The following SLC25A21 variants were observed in gnomAD, a reference collection of about 807,000 sequenced individuals.
SLC25A21 encodes mitochondrial 2-oxodicarboxylate carrier.
Under a neutral mutation model 43.8 loss-of-function variants are expected in SLC25A21, and 47 were observed. That is an observed-to-expected ratio of 1.07 (90% CI 0.85 to 1.37). The LOEUF is 1.37. Ranked by LOEUF, SLC25A21 falls within the 40% of genes most tolerant of loss-of-function variation. SLC25A21 has a pLI of 0.00. For synonymous variants in SLC25A21, 131 were observed against 121.3 expected, an observed-to-expected ratio of 1.08 and a Z score of -0.52; for missense variants, 352 against 350.2, an observed-to-expected ratio of 1.00 and a Z score of -0.04.
intron 2 of SLC25A21, among the ~76,000 whole-genome samples, chr14:36,842,158 A>G (rs114902245): frequency 2.5e-4 from 38 of 152,334 alleles, no homozygotes; most frequent in African/African-American, 8.9e-4. Flanking sequence ...TAGACATCTG[A>G]TTCAATGATA....
chr14:37,167,133 G>A (rs2138957486), intron 1 of SLC25A21, among the ~76,000 whole-genome samples: 1 of 152,292 alleles, frequency 6.6e-6, no homozygotes, highest in Non-Finnish European at 1.5e-5. Context: ...GGAGAGGGTT[G>A]AAAAATAAGA....
chr14:36,999,981 T>G (rs184930375), intron 1 of SLC25A21, among the ~76,000 whole-genome samples: 1 of 152,200 alleles, frequency 6.6e-6, no homozygotes, highest in African/African-American at 2.4e-5. Flanking sequence ...CTGACACACA[T>G]AGCAGATACA....
intron 1 of SLC25A21, among the ~76,000 whole-genome samples, chr14:37,170,353 C>T (rs1964102401): frequency 6.6e-6 from 1 of 152,124 alleles, no homozygotes; most frequent in Non-Finnish European, 1.5e-5. Context: ...CTACTTTTAA[C>T]ATTCTTTGAG....
At chr14:37,056,447 C>T (rs1358059285) in intron 1 of SLC25A21, among the ~76,000 whole-genome samples, 4 of 150,028 alleles carry the variant, frequency 2.7e-5, no homozygotes, top group Non-Finnish European at 5.9e-5. Flanking sequence ...GCCGAGATCG[C>T]GCCACTGCAC....
chr14:36,976,739 C>T (rs1024441807), intron 1 of SLC25A21, among the ~76,000 whole-genome samples: 33 of 152,174 alleles, frequency 2.2e-4, no homozygotes, highest in African/African-American at 7.7e-4. Context: ...GAAGCTTGAC[C>T]TCGGAAGGAA....
chr14:37,025,421 G>T (rs1401111306), intron 1 of SLC25A21, among the ~76,000 whole-genome samples: 2 of 152,122 alleles, frequency 1.3e-5, no homozygotes, highest in African/African-American at 4.8e-5. Context: ...TGATGGTCAT[G>T]ACAGAAGCAA....
Position 36,678,421 on chromosome 14 carries a change from A to G in SLC25A21, c.*2237T>C. 2.3e-6 allele frequency: 3 copies of G among 1,313,992 alleles called. No homozygotes were observed. The highest frequency in any genetic ancestry group is 1.5e-5 in the African/African-American group (1 of 68,582). 81.4% of individuals were successfully genotyped at this position (1,313,992 alleles called of 1,614,324 possible). ...AAGAATAAGCAGAAGGAGCAGATGA[A>G]CTCTCAGGGCCATAGTCTTCCTTTG... On this transcript the variant is annotated 3_prime_UTR_variant, in exon 10 of 10. Coordinates refer to ENST00000331299, the MANE Select transcript of SLC25A21 (RefSeq NM_030631.4).
intron 6 of SLC25A21, 65 bp from the exon 7 acceptor site, chr14:36,711,547 G>A (rs917096200): frequency 9.9e-5 from 149 of 1,504,642 alleles, no homozygotes; most frequent in African/African-American, 7.3e-4. Context: ...GTAAATTACC[G>A]TATTAACTTC....
At chr14:37,164,521 T>C (rs1004552148) in intron 1 of SLC25A21, among the ~76,000 whole-genome samples, 4 of 152,158 alleles carry the variant, frequency 2.6e-5, no homozygotes, top group Admixed American at 6.5e-5. Flanking sequence ...TGCATCCCCT[T>C]TGCACCATTT....
At chr14:36,942,739 T>A (rs1892595436) in intron 1 of SLC25A21, among the ~76,000 whole-genome samples, 1 of 152,174 alleles carries the variant, frequency 6.6e-6, no homozygotes, top group Admixed American at 6.5e-5. Flanking sequence ...CTGTTCTCCA[T>A]CAAGCAAAGA....
Position 36,735,472 on chromosome 14 carries a change from T to TAAGTGATAAAGATAAGGGCAGAGCTC in SLC25A21, c.204-900_204-899insGAGCTCTGCCCTTATCTTTATCACTT, listed in dbSNP as rs145352109. On this transcript the variant is annotated intron_variant, in intron 3 of 9. Transcript: ENST00000331299. ...GTAATCACTTTTCCTGATGAGTCCA[T>TAAGTGATAAAGATAAGGGCAGAGCTC]AACATGTCCCTAATTTAGGATATCC... Among the ~76,000 whole-genome samples, 3 of 151,938 alleles carry TAAGTGATAAAGATAAGGGCAGAGCTC rather than the reference T, an allele frequency of 2.0e-5. No homozygotes were observed. In the South Asian group the frequency reaches 6.3e-4, roughly 32 times the overall value.
In SLC25A21 at chr14:36,714,488, T is replaced by C. The variant is rs546721127; in HGVS notation, c.439-3006A>G. 1.2e-3 allele frequency among the ~76,000 whole-genome samples: 186 copies of C among 152,286 alleles called. 5 individuals are homozygous for C. The highest frequency in any genetic ancestry group is 0.012 in the Admixed American group (185 of 15,298). ...ATCCTATAAATTGGCCTCTTCCTTA[T>C]CCCTCAAGGTGAGTACCCTGGCTAA... On this transcript the variant is annotated intron_variant, in intron 6 of 9. Transcript: ENST00000331299.
At chr14:36,977,850 C>G (rs939149578) in intron 1 of SLC25A21, among the ~76,000 whole-genome samples, 1 of 151,468 alleles carries the variant, frequency 6.6e-6, no homozygotes, top group African/African-American at 2.4e-5. Flanking sequence ...TTTCTTTGCA[C>G]GTGGAACTTT....
At chr14:37,074,500 C>T (rs1056096591) in intron 1 of SLC25A21, among the ~76,000 whole-genome samples, 6 of 152,140 alleles carry the variant, frequency 3.9e-5, no homozygotes, top group African/African-American at 1.4e-4. Context: ...TGCTTTCTGG[C>T]TTCCTATTGG....
intron 3 of SLC25A21, among the ~76,000 whole-genome samples, chr14:36,752,286 G>A (rs754700471): frequency 1.3e-5 from 2 of 152,286 alleles, no homozygotes; most frequent in East Asian, 1.9e-4. Context: ...GAACCCTTAC[G>A]CATTGCTTTT....
At chr14:36,680,992 T>C (rs1359585957) in intron 9 of SLC25A21, among the ~76,000 whole-genome samples, 1 of 152,204 alleles carries the variant, frequency 6.6e-6, no homozygotes, top group African/African-American at 2.4e-5. Context: ...GCACTTTCAA[T>C]TTTTAAAAGT....
At chr14:36,779,072 G>A (rs1433614980) in intron 3 of SLC25A21, among the ~76,000 whole-genome samples, 1 of 151,642 alleles carries the variant, frequency 6.6e-6, no homozygotes, top group Admixed American at 6.6e-5. Context: ...TGCAGTATGT[G>A]TCTTTCTGTG....
At chr14:36,991,406 CT>C (rs1960260821) in intron 1 of SLC25A21, among the ~76,000 whole-genome samples, 1 of 152,160 alleles carries the variant, frequency 6.6e-6, no homozygotes, top group South Asian at 2.1e-4. Flanking sequence ...TATGGACCTG[CT>C]GTTGCCTGGA....
intron 4 of SLC25A21, among the ~76,000 whole-genome samples, chr14:36,733,355 A>G (rs956650611): frequency 5.3e-5 from 8 of 152,190 alleles, no homozygotes; most frequent in African/African-American, 1.9e-4. Context: ...TGTGATTCAG[A>G]TCCTTATAAC....
Sources: allele counts gnomAD v4.1 joint callset (sites outside exome capture counted in the v4.1 genomes callset), GRCh38; gene constraint gnomAD v4.1.1; transcripts MANE v1.5; gene names NCBI Gene and HGNC (gene_info 2026-07-23, HGNC 2026-07-21).